Variants in DHRSX observed in about 807,000 individuals in gnomAD.
The protein encoded by DHRSX is polyprenol dehydrogenase.
In DHRSX, 31 loss-of-function variants were observed where a neutral mutation model predicts 34.0. The observed-to-expected ratio is 0.91, with a 90% CI of 0.69 to 1.23. The LOEUF is 1.23. Ranked by LOEUF, DHRSX falls within the 50% of genes most tolerant of loss-of-function variation. The pLI is 0.00. For missense variants in DHRSX, 414 were observed against 428.1 expected (o/e 0.97, Z 0.29); for synonymous variants, 201 against 183.8 (o/e 1.09, Z -0.76).
At position 2,219,845 on chromosome X, in the gene DHRSX, AT is replaced by A. The variant is rs2015485659; in HGVS notation, c.*1195del. ...AAATGACTGATTTCTCTATGTTGAA[AT>A]TTGAAAACCCAACATCTATCTCTCT... On this transcript the variant is annotated 3_prime_UTR_variant, in exon 7 of 7. Transcript: ENST00000334651. The A allele has an allele frequency of 6.6e-6, 1 of 152,216 alleles. No individual in the cohort carries two copies. Among genetic ancestry groups the A allele is most frequent in the South Asian group, 2.1e-4 (1 of 4,830 alleles). 9.4% of individuals were successfully genotyped at this position (152,216 alleles called of 1,614,324 possible). A position where few individuals can be genotyped will look rare whatever the true frequency, so the allele number is the denominator to read the frequency against.
chrX:2,338,584 G>A (rs1180771096), intron 3 of DHRSX, among the ~76,000 whole-genome samples: 1 of 151,896 alleles, frequency 6.6e-6, no homozygotes, highest in Admixed American at 6.6e-5. Flanking sequence ...TACTCTATGA[G>A]TTCTCCACAG....
chrX:2,340,935 G>A (rs1247872301), intron 3 of DHRSX, among the ~76,000 whole-genome samples: 1 of 152,096 alleles, frequency 6.6e-6, no homozygotes, highest in Non-Finnish European at 1.5e-5. Flanking sequence ...CATTTGAGCT[G>A]AGCAACGAAT....
At chrX:2,415,992 T>A (rs960290051) in intron 2 of DHRSX, among the ~76,000 whole-genome samples, 1 of 151,778 alleles carries the variant, frequency 6.6e-6, no homozygotes, top group Non-Finnish European at 1.5e-5. Context: ...GACCTCATCA[T>A]AACCTAACCC....
chrX:2,453,368 T>TA (rs34499655), intron 1 of DHRSX, among the ~76,000 whole-genome samples: 389 of 138,472 alleles, frequency 2.8e-3, no homozygotes, highest in African/African-American at 4.7e-3. Context: ...ACCCCATCTC[T>TA]AAAAAAAAAA....
At chrX:2,452,816 C>T (rs1408860077) in intron 1 of DHRSX, among the ~76,000 whole-genome samples, 1 of 152,206 alleles carries the variant, frequency 6.6e-6, no homozygotes, top group Non-Finnish European at 1.5e-5. Flanking sequence ...ACAGTGAAGA[C>T]GTTCCAAAGG....
At chrX:2,351,384 A>AGTTTT (rs2042787164) in intron 3 of DHRSX, among the ~76,000 whole-genome samples, 1 of 152,234 alleles carries the variant, frequency 6.6e-6, no homozygotes, top group South Asian at 2.1e-4. Flanking sequence ...AAGTCTTTAA[A>AGTTTT]TAAAAACACC....
chrX:2,404,417 TA>T (rs974685374), intron 3 of DHRSX, among the ~76,000 whole-genome samples: 5 of 152,162 alleles, frequency 3.3e-5, no homozygotes, highest in African/African-American at 1.2e-4. Context: ...ACAGGAATTT[TA>T]AAAAATTTAA....
chrX:2,294,766 A>AAGAGAGAGAG (rs779339446), intron 3 of DHRSX, among the ~76,000 whole-genome samples: 24 of 149,200 alleles, frequency 1.6e-4, no homozygotes, highest in African/African-American at 5.4e-4. Context: ...GAGACAGAGA[A>AAGAGAGAGAG]AGAGAGAGAG....
chrX:2,356,801 TTTC>T (rs2124581586), intron 3 of DHRSX, among the ~76,000 whole-genome samples: 1 of 152,334 alleles, frequency 6.6e-6, no homozygotes, highest in African/African-American at 2.4e-5. Context: ...TTGGTAACGT[TTTC>T]TTTTCTCTAG....
intron 3 of DHRSX, among the ~76,000 whole-genome samples, chrX:2,392,106 A>G (rs2043342033): frequency 6.6e-6 from 1 of 152,168 alleles, no homozygotes; most frequent in African/African-American, 2.4e-5. Context: ...CAGGGAGGCC[A>G]CAGGCAATGC....
intron 1 of DHRSX, among the ~76,000 whole-genome samples, chrX:2,471,463 A>T (rs1190220221): frequency 7.0e-6 from 1 of 142,040 alleles, no homozygotes; most frequent in East Asian, 1.9e-4. Flanking sequence ...GCTACTCAGG[A>T]GACTGAGGCA....
chrX:2,249,828 AAT>A (rs2016394908), intron 5 of DHRSX, among the ~76,000 whole-genome samples: 1 of 151,634 alleles, frequency 6.6e-6, no homozygotes, highest in Admixed American at 6.6e-5. Context: ...CTGGCCTATG[AAT>A]ATCTTTTAGT....
intron 3 of DHRSX, among the ~76,000 whole-genome samples, chrX:2,321,130 A>G (rs985741019): frequency 3.3e-5 from 5 of 152,110 alleles, no homozygotes; most frequent in South Asian, 4.1e-4. Flanking sequence ...GAGAGAGCCT[A>G]AGTATATCTT....
At chrX:2,223,630 G>A (rs980891821) in intron 6 of DHRSX, among the ~76,000 whole-genome samples, 5 of 152,188 alleles carry the variant, frequency 3.3e-5, no homozygotes, top group African/African-American at 1.2e-4. Flanking sequence ...CAGGAGGAAA[G>A]GGAGAGGGAA....
At chrX:2,357,562 CTCT>C (rs1292101266) in intron 3 of DHRSX, among the ~76,000 whole-genome samples, 1 of 151,966 alleles carries the variant, frequency 6.6e-6, no homozygotes, top group Non-Finnish European at 1.5e-5. Flanking sequence ...GTGGAAAGAG[CTCT>C]TCGTCAATGT....
chrX:2,420,213 C>T (rs1173717517), intron 2 of DHRSX, among the ~76,000 whole-genome samples: 1 of 150,826 alleles, frequency 6.6e-6, no homozygotes, highest in Non-Finnish European at 1.5e-5. Flanking sequence ...TCAAGACCAT[C>T]CTGACCTACA....
chrX:2,383,236 C>A (rs1328173184), intron 3 of DHRSX, among the ~76,000 whole-genome samples: 7 of 151,706 alleles, frequency 4.6e-5, no homozygotes, highest in Non-Finnish European at 7.4e-5. Context: ...ATTTCTATCA[C>A]CCCATCATCA....
chrX:2,286,571 C>T (rs1196168301), intron 4 of DHRSX, among the ~76,000 whole-genome samples: 1 of 152,120 alleles, frequency 6.6e-6, no homozygotes, highest in Admixed American at 6.6e-5. Flanking sequence ...GATTTGTCAA[C>T]AAGAGACTGC....
chrX:2,384,995 C>T (rs1375867938), intron 3 of DHRSX, among the ~76,000 whole-genome samples: 2 of 151,248 alleles, frequency 1.3e-5, no homozygotes, highest in African/African-American at 2.4e-5. Flanking sequence ...CCCAGCTGCT[C>T]GGGAGGCTGA....
Sources: gnomAD v4.1 joint callset for allele counts (sites outside exome capture counted in the v4.1 genomes callset) on GRCh38, gnomAD v4.1.1 for gene constraint, MANE v1.5 for transcripts, NCBI Gene and HGNC (gene_info 2026-07-23, HGNC 2026-07-21) for gene names.